The following TCF12 variants were observed in gnomAD, a reference collection of about 807,000 sequenced individuals.
The protein encoded by TCF12 is transcription factor 12, also known as DNA-binding protein HTF4.
A neutral mutation model predicts 86.0 loss-of-function variants in TCF12; 45 were observed. The observed-to-expected ratio is 0.52, with a 90% CI of 0.41 to 0.67. The LOEUF is 0.67. Among genes scored for constraint, TCF12 ranks in the 30% least tolerant of loss-of-function variants. The pLI, the probability that TCF12 is intolerant of heterozygous loss-of-function variation, is 0.00. For missense variants in TCF12, 881 were observed against 859.9 expected, an observed-to-expected ratio of 1.02 and a Z score of -0.31; for synonymous variants, 330 against 299.6, an observed-to-expected ratio of 1.10 and a Z score of -1.05.
At chr15:56,974,401 CTA>C (rs2062496771) in intron 3 of TCF12, among the ~76,000 whole-genome samples, 1 of 151,982 alleles carries the variant, frequency 6.6e-6, no homozygotes, top group South Asian at 2.1e-4. Flanking sequence ...GGTGAAGACT[CTA>C]TGGGGATTCT....
intron 3 of TCF12, among the ~76,000 whole-genome samples, chr15:56,925,083 C>T (rs1308981086): frequency 6.6e-6 from 1 of 152,064 alleles, no homozygotes; most frequent in Non-Finnish European, 1.5e-5. Flanking sequence ...CCTGTAATCC[C>T]AGCTACTCAG....
chr15:57,081,356 A>G (rs1396797692), intron 4 of TCF12, among the ~76,000 whole-genome samples: 3 of 151,898 alleles, frequency 2.0e-5, no homozygotes, highest in African/African-American at 4.8e-5. Context: ...CCATCCTACT[A>G]TTTACTGTTA....
intron 3 of TCF12, among the ~76,000 whole-genome samples, chr15:57,029,270 A>G (rs1344576700): frequency 6.6e-6 from 1 of 151,870 alleles, no homozygotes; most frequent in Non-Finnish European, 1.5e-5. Flanking sequence ...GTTGAAAATC[A>G]TTTGACCACA....
At chr15:57,000,919 ACTCTACAGC>A (rs1377812239) in intron 3 of TCF12, among the ~76,000 whole-genome samples, 1 of 148,656 alleles carries the variant, frequency 6.7e-6, no homozygotes, top group Non-Finnish European at 1.5e-5. Flanking sequence ...GTTTATTATG[ACTCTACAGC>A]CATTTTTTTC....
At chr15:56,978,113 T>G (rs1409421050) in intron 3 of TCF12, among the ~76,000 whole-genome samples, 2 of 152,202 alleles carry the variant, frequency 1.3e-5, no homozygotes, top group South Asian at 4.1e-4. Flanking sequence ...TGTTAGAGAA[T>G]CATTTGGAAC....
chr15:57,073,306 C>T (rs1023882690), intron 4 of TCF12, among the ~76,000 whole-genome samples: 1 of 152,084 alleles, frequency 6.6e-6, no homozygotes, highest in Admixed American at 6.5e-5. Context: ...ATCTTTATGT[C>T]CCTTTTTGTA....
At chr15:57,214,030 A>G (rs553381369) in intron 8 of TCF12, 1 of 152,206 alleles carries the variant, frequency 6.6e-6, no homozygotes, top group African/African-American at 2.4e-5. Flanking sequence ...AAGTTGCAAC[A>G]TAGTTAATGA....
intron 4 of TCF12, among the ~76,000 whole-genome samples, chr15:57,068,185 C>T (rs1046803423): frequency 3.9e-5 from 6 of 152,064 alleles, no homozygotes; most frequent in African/African-American, 1.4e-4. Context: ...GTTTAGTCAT[C>T]TGTGAAATGG....
At chr15:56,941,690 T>C (rs1231801899) in intron 3 of TCF12, among the ~76,000 whole-genome samples, 3 of 151,714 alleles carry the variant, frequency 2.0e-5, no homozygotes, top group Non-Finnish European at 2.9e-5. Flanking sequence ...TTCTTCTTTT[T>C]TTTTTTTTTA....
At chr15:57,223,661 T>TTTTTTATTTTTA (rs2058728349) in intron 8 of TCF12, among the ~76,000 whole-genome samples, 4 of 142,516 alleles carry the variant, frequency 2.8e-5, no homozygotes, top group South Asian at 2.4e-4. Context: ...TTTTTTTTTT[T>TTTTTTATTTTTA]TTTTTTTTTT....
In TCF12 at chr15:57,287,012, T is replaced by C; in HGVS notation, c.*867T>C. ...TCCCCCAAATAAACATTGCTTTATT[T>C]CTAATAATAACCAAGACTTTTCAAG... On this transcript the variant is annotated 3_prime_UTR_variant, in exon 21 of 21. Transcript: ENST00000333725. 1 of 177,440 alleles carries C rather than the reference T, an allele frequency of 5.6e-6. No individual in the cohort carries two copies. The highest frequency in any genetic ancestry group is 1.5e-4 in the East Asian group (1 of 6,650). 11.0% of individuals were successfully genotyped at this position (177,440 alleles called of 1,614,324 possible).
At chr15:57,249,076 CT>C (rs1210546470) in intron 13 of TCF12, among the ~76,000 whole-genome samples, 3 of 152,000 alleles carry the variant, frequency 2.0e-5, no homozygotes, top group Admixed American at 6.6e-5. Flanking sequence ...AAGATAAATT[CT>C]TTTTTAATAA....
At chr15:57,246,348 T>C (rs534275222) in intron 13 of TCF12, among the ~76,000 whole-genome samples, 1 of 152,308 alleles carries the variant, frequency 6.6e-6, no homozygotes, top group Admixed American at 6.5e-5. Flanking sequence ...AGGAAGGTTC[T>C]GAGATATTGT....
intron 5 of TCF12, among the ~76,000 whole-genome samples, chr15:57,120,062 T>C (rs1474154045): frequency 1.3e-5 from 2 of 152,260 alleles, no homozygotes; most frequent in Non-Finnish European, 2.9e-5. Context: ...TCCCCCTAAC[T>C]GAAATGCCCT....
intron 5 of TCF12, among the ~76,000 whole-genome samples, chr15:57,161,018 C>T (rs140424212): frequency 2.5e-3 from 380 of 152,198 alleles, no homozygotes; most frequent in African/African-American, 8.9e-3. Flanking sequence ...CATCTCCTAA[C>T]CTCTTCATCT....
intron 3 of TCF12, among the ~76,000 whole-genome samples, chr15:57,060,258 GT>G (rs2068361152): frequency 6.6e-6 from 1 of 152,120 alleles, no homozygotes; most frequent in Non-Finnish European, 1.5e-5. Context: ...ACAAACTGTT[GT>G]TTTTAGATAC....
intron 5 of TCF12, among the ~76,000 whole-genome samples, chr15:57,095,997 C>T (rs2151140505): frequency 6.6e-6 from 1 of 152,268 alleles, no homozygotes; most frequent in South Asian, 2.1e-4. Context: ...AAATGTAGAA[C>T]TCATATCTCC....
chr15:57,226,434 G>A (rs571290159), intron 8 of TCF12, among the ~76,000 whole-genome samples: 2 of 152,062 alleles, frequency 1.3e-5, no homozygotes, highest in African/African-American at 4.8e-5. Context: ...TATAATTTCT[G>A]TTATTGGCAC....
intron 5 of TCF12, among the ~76,000 whole-genome samples, chr15:57,112,962 A>G (rs190185508): frequency 1.1e-4 from 16 of 152,248 alleles, no homozygotes; most frequent in African/African-American, 3.6e-4. Flanking sequence ...TGAATACTTT[A>G]AGTTTCAATT....
Sources: allele counts gnomAD v4.1 joint callset (sites outside exome capture counted in the v4.1 genomes callset), GRCh38; gene constraint gnomAD v4.1.1; transcripts MANE v1.5; gene names NCBI Gene and HGNC (gene_info 2026-07-23, HGNC 2026-07-21).